The following SPTBN4 variants were observed in gnomAD, a reference collection of about 807,000 sequenced individuals.
The protein encoded by SPTBN4 is spectrin beta, non-erythrocytic 4, also known as spectrin beta chain, non-erythrocytic 4.
Under a neutral mutation model 277.8 loss-of-function variants are expected in SPTBN4, and 96 were observed. The ratio of observed to expected loss-of-function variants is 0.35; its 90% confidence interval spans 0.29 to 0.41. The LOEUF is 0.41. SPTBN4 is among the 10% of genes least tolerant of loss of function. The pLI is 1.00. For missense variants in SPTBN4, 3,006 were observed against 3,595.7 expected, an observed-to-expected ratio of 0.84 and a Z score of 4.19; for synonymous variants, 1,481 against 1,580.3, an observed-to-expected ratio of 0.94 and a Z score of 1.49.
At position 40,523,456 on chromosome 19, in the gene SPTBN4, C is replaced by G; in HGVS notation, c.3674C>G (p.Ala1225Gly). 1 of 1,608,508 alleles carries G rather than the reference C, an allele frequency of 6.2e-7. No individual in the cohort carries two copies. The highest frequency in any genetic ancestry group is 8.5e-7 in the Non-Finnish European group (1 of 1,177,264). Reference sequence around the variant, plus strand: ...CCCCAGGAGATGGCGCTGTCTGGTGCGGAGCTCCCGGGCACAGTGGAATCG... The same window carrying G: ...CCCCAGGAGATGGCGCTGTCTGGTGGGGAGCTCCCGGGCACAGTGGAATCG... ...LRNQEMALSG[A>G]ELPGTVESVE... Residue 1225 changes from alanine to glycine, a missense_variant, in exon 17 of 36, where the codon GCG becomes GGG. Coordinates refer to ENST00000598249, the MANE Select transcript of SPTBN4 (RefSeq NM_020971.3).
At chr19:40,556,584 T>TATGATGATG (rs35565841) in intron 25 of SPTBN4, among the ~76,000 whole-genome samples, 1 of 151,174 alleles carries the variant, frequency 6.6e-6, no homozygotes, top group Non-Finnish European at 1.5e-5. Context: ...TATTATTTTT[T>TATGATGATG]ATGATGATGA....
intron 16 of SPTBN4, among the ~76,000 whole-genome samples, chr19:40,521,890 C>T (rs1296049774): frequency 6.6e-6 from 1 of 152,202 alleles, no homozygotes; most frequent in Non-Finnish European, 1.5e-5. Flanking sequence ...CTCAAACAGT[C>T]CCCCTGCTTT....
rs1187380848 is a variant in SPTBN4, at chr19:40,560,554, G to A, written c.5915+151G>A. On this transcript the variant is annotated intron_variant, in intron 27 of 35. Transcript: ENST00000598249. The surrounding 1 kb of genome is among the most constrained non-coding windows in gnomAD (Gnocchi z 5.2). ...TGCTAGGCACTGTTCTAGGTGCTTCGTGTGTATTCAGACCCCTTTTTTAGG... is the reference window on the plus strand; with the variant it reads ...TGCTAGGCACTGTTCTAGGTGCTTCATGTGTATTCAGACCCCTTTTTTAGG... 7.9e-6 allele frequency: 12 copies of A among 1,525,326 alleles called. No homozygotes were observed. Among genetic ancestry groups the A allele is most frequent in the South Asian group, 2.5e-5 (2 of 78,452 alleles). 94.5% of individuals were successfully genotyped at this position (1,525,326 alleles called of 1,614,324 possible).
At chr19:40,567,584 C>T (rs1027518180) in intron 30 of SPTBN4, 79 bp from the exon 31 acceptor site, 108 of 1,365,822 alleles carry the variant, frequency 7.9e-5, no homozygotes, top group Admixed American at 3.4e-4. Context: ...CAGAAAAACC[C>T]AGGCCGCCTC....
intron 24 of SPTBN4, among the ~76,000 whole-genome samples, chr19:40,555,489 C>CCAAA (rs2080967293): frequency 1.3e-5 from 1 of 74,902 alleles, no homozygotes; most frequent in Non-Finnish European, 2.4e-5. Context: ...GACTCCGTCT[C>CCAAA]AAAAAAAAAA....
At chr19:40,516,237 CA>C (rs61403353) in intron 15 of SPTBN4, among the ~76,000 whole-genome samples, 50,980 of 112,240 alleles carry the variant, frequency 0.45, 10,083 homozygotes, top group African/African-American at 0.53. Flanking sequence ...GACCTTGTCT[CA>C]AAAAAAAAAA....
chr19:40,520,041 C>A lies in SPTBN4; in HGVS notation c.3544C>A (p.His1182Asn). Residue 1182 changes from histidine (H) to asparagine (N), a missense_variant, in exon 16 of 36, where the codon CAT (histidine) becomes AAT (asparagine). Around this residue, in one of 5 missense-constraint regions of SPTBN4, gnomAD observed 1,759 missense variants for 2,061.5 expected, o/e 0.85. Coordinates refer to ENST00000598249, the MANE Select transcript of SPTBN4 (RefSeq NM_020971.3). ...EWLPHLELGW[H>N]KLLGLWEARR... ...GCTGCCACACCTCGAACTTGGCTGGCATAAACTGCTCGGCTTGTGGGAGGC... is the reference window on the plus strand; with the variant it reads ...GCTGCCACACCTCGAACTTGGCTGGAATAAACTGCTCGGCTTGTGGGAGGC... The A allele has an allele frequency of 6.4e-7, 1 of 1,560,672 alleles. No homozygotes were observed. Among genetic ancestry groups the A allele is most frequent in the Non-Finnish European group, 8.7e-7 (1 of 1,155,814 alleles).
intron 20 of SPTBN4, among the ~76,000 whole-genome samples, chr19:40,536,855 G>T (rs1024918049): frequency 1.3e-5 from 2 of 151,984 alleles, no homozygotes; most frequent in East Asian, 3.9e-4. Context: ...GTGCAATCAC[G>T]GCTCACTGCA....
chr19:40,529,265 G>A (rs943501822), intron 18 of SPTBN4, 134 bp downstream of exon 18: 7 of 789,482 alleles, frequency 8.9e-6, no homozygotes, highest in Admixed American at 2.5e-5. Flanking sequence ...GCCGCCAGGG[G>A]GCGCGCGGAG....
chr19:40,551,810 A>G (rs1478943286), intron 22 of SPTBN4, among the ~76,000 whole-genome samples: 1 of 151,936 alleles, frequency 6.6e-6, no homozygotes, highest in Non-Finnish European at 1.5e-5. Flanking sequence ...CCTGGGCAAC[A>G]TGGGGAAACC....
At chr19:40,563,220 A>T (rs574020822) in intron 27 of SPTBN4, among the ~76,000 whole-genome samples, 94 of 148,354 alleles carry the variant, frequency 6.3e-4, no homozygotes, top group East Asian at 1.2e-3. Context: ...TTAAAAAAAA[A>T]TTTTTTTTTT....
At position 40,513,376 on chromosome 19, in the gene SPTBN4, T is replaced by G. The variant is rs774926979; in HGVS notation, c.2587T>G (p.Phe863Val). The change falls in exon 14 of 36, where the codon TTC becomes GTC. Residue 863 changes from phenylalanine to valine, a missense_variant. Around this residue, in one of 5 missense-constraint regions of SPTBN4, gnomAD observed 1,759 missense variants for 2,061.5 expected, o/e 0.85. Transcript: ENST00000598249. ...GCGCGTGGTGGAAGCAGAGCAGTTG[T>G]TCGCTGAGGTGACCGAAGTGGCGGC... is the stretch of plus-strand genomic sequence containing the variant. Reference protein sequence around the residue: ...QVRVVEAEQLFAEVTEVAALR... With the variant: ...QVRVVEAEQLVAEVTEVAALR... 2 of 1,603,166 alleles carry G rather than the reference T, an allele frequency of 1.2e-6. No homozygotes were observed. Among genetic ancestry groups the G allele is most frequent in the Non-Finnish European group, 1.7e-6 (2 of 1,176,388 alleles).
At position 40,502,042 on chromosome 19, in the gene SPTBN4, A is replaced by G; in HGVS notation, c.897+9A>G. The G allele has an allele frequency of 8.7e-6, 14 of 1,614,058 alleles. No individual in the cohort carries two copies. Among genetic ancestry groups the G allele is most frequent in the Non-Finnish European group, 1.2e-5 (14 of 1,180,010 alleles). Reference sequence around the variant, plus strand: ...GGAAGCGTATCGGGAAGGTATAAGGAGCCAAGGAGTGGGTGAGTGGGAAGC... The same window carrying G: ...GGAAGCGTATCGGGAAGGTATAAGGGGCCAAGGAGTGGGTGAGTGGGAAGC... On this transcript the variant is annotated intron_variant, in intron 8 of 35. Coordinates refer to ENST00000598249, the MANE Select transcript of SPTBN4 (RefSeq NM_020971.3). This position sits in a 1 kb window ranked among gnomAD's most constrained non-coding sequence, Gnocchi z 4.9.
At position 40,504,152 on chromosome 19, in the gene SPTBN4, G is replaced by GCC; in HGVS notation, c.1665+20_1665+21insCC. The GCC allele has an allele frequency of 1.1e-6, 1 of 877,190 alleles. No individual in the cohort carries two copies. Among genetic ancestry groups the GCC allele is most frequent in the Non-Finnish European group, 1.8e-6 (1 of 566,470 alleles). 54.3% of individuals were successfully genotyped at this position (877,190 alleles called of 1,614,324 possible). On this transcript the variant is annotated intron_variant, in intron 12 of 35. Coordinates refer to ENST00000598249, the MANE Select transcript of SPTBN4 (RefSeq NM_020971.3). Reference sequence around the variant, plus strand: ...ATGCAGGTGCCGGCGGGGGGGCGGGGATGCGGGTGGAGTGCCAGGAGGGAG... The same window carrying GCC: ...ATGCAGGTGCCGGCGGGGGGGCGGGGCCATGCGGGTGGAGTGCCAGGAGGGAG...
intron 30 of SPTBN4, chr19:40,566,987 C>CAA (rs201200184): frequency 7.3e-5 from 18 of 245,708 alleles, no homozygotes; most frequent in South Asian, 2.0e-4. Context: ...AAAAAAACAA[C>CAA]AAAAAAAAAC....
rs2081194841 is a variant in SPTBN4 at position 40,575,607 on chromosome 19, T to A, written c.*38T>A. On this transcript the variant is annotated 3_prime_UTR_variant, in exon 36 of 36. Coordinates refer to ENST00000598249, the MANE Select transcript of SPTBN4 (RefSeq NM_020971.3). ...AGGACCTGACACATCTCGTCTCCCC[T>A]CTTTTCCGCACTGTGGGCACAAAGA... 1 of 1,583,304 alleles carries A rather than the reference T, an allele frequency of 6.3e-7. No individual in the cohort carries two copies. The highest frequency in any genetic ancestry group is 8.6e-7 in the Non-Finnish European group (1 of 1,164,668).
intron 33 of SPTBN4, 55 bp from the exon 34 acceptor site, chr19:40,571,964 G>A: frequency 1.2e-5 from 18 of 1,488,020 alleles, no homozygotes; most frequent in Non-Finnish European, 1.5e-5. Context: ...TGTTAATGAA[G>A]AGTTATTAGG....
intron 12 of SPTBN4, 47 bp downstream of exon 12, chr19:40,504,179 G>A (rs750719780): frequency 1.3e-6 from 2 of 1,533,652 alleles, no homozygotes; most frequent in South Asian, 1.2e-5. Context: ...AGGAGGGAGG[G>A]GAGGATGCAG....
chr19:40,479,434 C>T (rs770560072), intron 2 of SPTBN4, among the ~76,000 whole-genome samples: 2 of 151,920 alleles, frequency 1.3e-5, no homozygotes, highest in Non-Finnish European at 2.9e-5. Flanking sequence ...AATCTCAAAT[C>T]AATTTCTTCT....
Sources: allele counts gnomAD v4.1 joint callset (sites outside exome capture counted in the v4.1 genomes callset), GRCh38; gene constraint gnomAD v4.1.1; regional missense constraint gnomAD v4.1.1; non-coding constraint Gnocchi (gnomAD v3.1); transcripts MANE v1.5; gene names NCBI Gene and HGNC (gene_info 2026-07-23, HGNC 2026-07-21).